Variants in RELL1 observed in about 807,000 individuals in gnomAD.
The protein encoded by RELL1 is RELT-like protein 1.
In RELL1, 10 loss-of-function variants were observed where a neutral mutation model predicts 23.0. That is an observed-to-expected ratio of 0.43 (90% CI 0.27 to 0.74). The LOEUF (loss-of-function observed/expected upper bound fraction) is 0.74. Ranked by LOEUF, RELL1 falls within the 30% of genes least tolerant of loss-of-function variation. RELL1 has a pLI of 0.19. For synonymous variants in RELL1, 146 were observed against 146.8 expected (o/e 0.99, Z 0.04); for missense variants, 315 against 364.4 (o/e 0.86, Z 1.10).
At chr4:37,685,816 TC>T (rs1560365699) in intron 1 of RELL1, among the ~76,000 whole-genome samples, 1 of 152,224 alleles carries the variant, frequency 6.6e-6, no homozygotes, top group Non-Finnish European at 1.5e-5. Flanking sequence ...GTCACGATCT[TC>T]CGCTCGCGGC....
rs1318171630 is a variant in RELL1, at chr4:37,653,346, CAATACA to C, written c.89-3852_89-3847del. Among the ~76,000 whole-genome samples the C allele has an allele frequency of 8.2e-4, 43 of 52,178 alleles. No individual in the cohort carries two copies. In the South Asian group the frequency reaches 0.028, roughly 34 times the overall value. 34.2% of individuals were successfully genotyped at this position (52,178 alleles called of 152,430 possible). A position where few individuals can be genotyped will look rare whatever the true frequency, so the allele number is the denominator to read the frequency against. On this transcript the variant is annotated intron_variant, in intron 1 of 6. Transcript: ENST00000454158. The stretch of plus-strand genomic sequence containing the variant: ...AACCTCAATACAAGTATTGAAACCT[CAATACA>C]AGTATTGAAACCTCAATATTCAATA...
chr4:37,596,563 A>G (rs1448033554), intron 6 of RELL1, among the ~76,000 whole-genome samples: 1 of 151,294 alleles, frequency 6.6e-6, no homozygotes, highest in Non-Finnish European at 1.5e-5. Flanking sequence ...GTATTTAGCA[A>G]TACTAAGATG....
At chr4:37,663,408 A>G (rs1029804639) in intron 1 of RELL1, among the ~76,000 whole-genome samples, 1 of 152,242 alleles carries the variant, frequency 6.6e-6, no homozygotes, top group Non-Finnish European at 1.5e-5. Context: ...TGAAGAAGTC[A>G]TTTGTTTGAA....
At chr4:37,593,418 C>G (rs1371962722) in intron 6 of RELL1, among the ~76,000 whole-genome samples, 1 of 152,184 alleles carries the variant, frequency 6.6e-6, no homozygotes, top group South Asian at 2.1e-4. Flanking sequence ...GTTTCCTTCT[C>G]AAGATCACTT....
intron 1 of RELL1, among the ~76,000 whole-genome samples, chr4:37,658,940 C>A (rs1721219430): frequency 6.6e-6 from 1 of 152,044 alleles, no homozygotes; most frequent in Admixed American, 6.5e-5. Flanking sequence ...AAAAACTCTA[C>A]TATTTGCCCT....
chr4:37,634,973 C>T lies in RELL1; in HGVS notation c.594G>A (p.Lys198=), dbSNP rs751645725. 6.2e-7 allele frequency: 1 copy of T among 1,614,250 alleles called. No homozygotes were observed. The highest frequency in any genetic ancestry group is 1.1e-5 in the South Asian group (1 of 91,086). ...ERDVCHRCRH[K]RWHFIKPTNK... is the part of the protein sequence containing the mutation. Reference sequence around the variant, plus strand: ...TAGTGGGCTTTATAAAGTGCCACCGCTTGTGCCTACACCGATGACACACAT... The same window carrying T: ...TAGTGGGCTTTATAAAGTGCCACCGTTTGTGCCTACACCGATGACACACAT... The change falls in exon 5 of 7, where the codon AAG becomes AAA. Residue 198 remains lysine (K), a synonymous_variant. Coordinates refer to ENST00000454158, the MANE Select transcript of RELL1 (RefSeq NM_001085400.2).
chr4:37,610,233 GTATTT>G (rs1719332445), downstream of RELL1, among the ~76,000 whole-genome samples: 1 of 141,388 alleles, frequency 7.1e-6, no homozygotes, highest in African/African-American at 3.0e-5. The surrounding 1 kb of genome is among the most constrained non-coding windows in gnomAD (Gnocchi z 4.1). Flanking sequence ...TCAGATTATC[GTATTT>G]TTTTTTAGCA....
At chr4:37,630,970 G>A (rs913342536) in intron 6 of RELL1, among the ~76,000 whole-genome samples, 2 of 151,680 alleles carry the variant, frequency 1.3e-5, no homozygotes, top group South Asian at 2.1e-4. Flanking sequence ...TGCCAATATC[G>A]AAAATCAGTG....
intron 1 of RELL1, among the ~76,000 whole-genome samples, chr4:37,675,784 A>T (rs563098281): frequency 1.3e-5 from 2 of 151,928 alleles, no homozygotes; most frequent in East Asian, 3.9e-4. Context: ...GATTCCATCT[A>T]CTCTTATCTC....
chr4:37,665,962 G>A (rs911462193), intron 1 of RELL1, among the ~76,000 whole-genome samples: 3 of 152,240 alleles, frequency 2.0e-5, no homozygotes, highest in South Asian at 4.2e-4. Flanking sequence ...AAGCAAGGGC[G>A]TCAGAAAGGA....
intron 6 of RELL1, among the ~76,000 whole-genome samples, chr4:37,598,934 C>T (rs192155770): frequency 6.6e-6 from 1 of 152,236 alleles, no homozygotes; most frequent in African/African-American, 2.4e-5. Context: ...ATCCACCCAC[C>T]TCACCCTCCC....
downstream of RELL1, chr4:37,590,160 A>C: frequency 6.2e-7 from 1 of 1,614,224 alleles, no homozygotes; most frequent in Non-Finnish European, 8.5e-7. Context: ...AGCTAGATGA[A>C]GACGACACTG....
intron 6 of RELL1, chr4:37,591,904 C>G (rs1056715522): frequency 6.6e-6 from 1 of 152,070 alleles, no homozygotes; most frequent in Admixed American, 6.6e-5. Flanking sequence ...ATGTTACTTT[C>G]AATGTAAAGA....
chr4:37,631,284 C>T, intron 6 of RELL1, 101 bp downstream of exon 6: 1 of 1,331,560 alleles, frequency 7.5e-7, no homozygotes. Context: ...ACTTCCCTGT[C>T]AAATACCATT....
intron 6 of RELL1, among the ~76,000 whole-genome samples, chr4:37,622,330 T>C (rs1167186102): frequency 6.6e-6 from 1 of 152,232 alleles, no homozygotes; most frequent in African/African-American, 2.4e-5. Flanking sequence ...AAGGACATAG[T>C]GAACACTGAT....
At chr4:37,610,486 AT>A (rs1269646826), downstream of RELL1, among the ~76,000 whole-genome samples, 1 of 152,122 alleles carries the variant, frequency 6.6e-6, no homozygotes, top group African/African-American at 2.4e-5. The surrounding 1 kb of genome is among the most constrained non-coding windows in gnomAD (Gnocchi z 4.1). Context: ...GGGAAATCTC[AT>A]GAGGAAAGTC....
chr4:37,683,262 G>A (rs907549212), intron 1 of RELL1, among the ~76,000 whole-genome samples: 1 of 152,122 alleles, frequency 6.6e-6, no homozygotes, highest in African/African-American at 2.4e-5. Flanking sequence ...AATGAACTTT[G>A]GAATCAAGCA....
chr4:37,618,922 C>T (rs1331902216), intron 6 of RELL1, among the ~76,000 whole-genome samples: 1 of 151,976 alleles, frequency 6.6e-6, no homozygotes, highest in Non-Finnish European at 1.5e-5. Context: ...TCTCGTTGCC[C>T]AGGCTGGAGT....
At chr4:37,646,297 G>T (rs1366937273) in intron 3 of RELL1, among the ~76,000 whole-genome samples, 1 of 152,148 alleles carries the variant, frequency 6.6e-6, no homozygotes, top group South Asian at 2.1e-4. Flanking sequence ...TTCCATTTAA[G>T]ATGATAATTT....
Sources: gnomAD v4.1 joint callset for allele counts (sites outside exome capture counted in the v4.1 genomes callset) on GRCh38, gnomAD v4.1.1 for gene constraint, Gnocchi (gnomAD v3.1) non-coding constraint, MANE v1.5 for transcripts, NCBI Gene and HGNC (gene_info 2026-07-23, HGNC 2026-07-21) for gene names.